The following ZYG11B variants were observed in gnomAD, a reference collection of about 807,000 sequenced individuals.
ZYG11B encodes the protein protein zyg-11 homolog B.
Under a neutral mutation model 82.4 loss-of-function variants are expected in ZYG11B, and 36 were observed. The observed-to-expected ratio is 0.44, with a 90% CI of 0.33 to 0.58. The LOEUF (loss-of-function observed/expected upper bound fraction) is 0.58. ZYG11B is among the 20% of genes least tolerant of loss of function. The pLI, the probability that ZYG11B is intolerant of heterozygous loss-of-function variation, is 0.02. For synonymous variants in ZYG11B, 303 were observed against 312.8 expected, an observed-to-expected ratio of 0.97 and a Z score of 0.33; for missense variants, 552 against 895.6, an observed-to-expected ratio of 0.62 and a Z score of 4.90.
chr1:52,817,777 G>GTGTATATATATATATATATATA (rs1352242565), intron 13 of ZYG11B, among the ~76,000 whole-genome samples: 1 of 41,540 alleles, frequency 2.4e-5, no homozygotes, highest in Non-Finnish European at 3.9e-5. Context: ...ATATATATGT[G>GTGTATATATATATATATATATA]TATATATATA....
chr1:52,821,912 T>C lies in ZYG11B; in HGVS notation c.*283T>C, dbSNP rs1174466866. 3 of 279,040 alleles carry C rather than the reference T, an allele frequency of 1.1e-5. No individual in the cohort carries two copies. Among genetic ancestry groups the C allele is most frequent in the African/African-American group, 2.2e-5 (1 of 46,042 alleles). 17.3% of individuals were successfully genotyped at this position (279,040 alleles called of 1,614,324 possible). On this transcript the variant is annotated 3_prime_UTR_variant, in exon 14 of 14. Coordinates refer to ENST00000294353, the MANE Select transcript of ZYG11B (RefSeq NM_024646.3). ...ACTTGTGCTTGAGATTCTACAGTTTTATGGTAAAGTTTGCACGAACCCTTA... is the reference window on the plus strand; with the variant it reads ...ACTTGTGCTTGAGATTCTACAGTTTCATGGTAAAGTTTGCACGAACCCTTA...
At chr1:52,751,213 C>T (rs533139733) in intron 1 of ZYG11B, among the ~76,000 whole-genome samples, 2 of 152,018 alleles carry the variant, frequency 1.3e-5, no homozygotes, top group South Asian at 4.2e-4. Flanking sequence ...CTTCTGGGCC[C>T]AAGTGATCCT....
chr1:52,758,863 C>G (rs1037397482), intron 2 of ZYG11B, among the ~76,000 whole-genome samples: 1 of 152,138 alleles, frequency 6.6e-6, no homozygotes, highest in Admixed American at 6.6e-5. Context: ...AGCTGCACAA[C>G]GATTTAAGAG....
Position 52,771,653 on chromosome 1 carries a change from A to G in ZYG11B, c.830A>G (p.Lys277Arg). The G allele has an allele frequency of 6.2e-7, 1 of 1,614,258 alleles. No homozygotes were observed. The highest frequency in any genetic ancestry group is 8.5e-7 in the Non-Finnish European group (1 of 1,180,042). Residue 277 changes from lysine (K) to arginine (R), a missense_variant, in exon 3 of 14, where the codon AAG becomes AGG. By Grantham distance (26) the Lys-to-Arg change is conservative (BLOSUM62 2). Coordinates refer to ENST00000294353, the MANE Select transcript of ZYG11B (RefSeq NM_024646.3). This position sits in a 1 kb window ranked among gnomAD's most constrained non-coding sequence, Gnocchi z 5.4. The part of the protein sequence containing the change: ...NLVSLDVSGR[K>R]HVTDKAVEAF... ...GTTTCTCTGGATGTTTCTGGGAGAA[A>G]GCACGTGACAGATAAAGCCGTTGAA...
In ZYG11B at chr1:52,771,751, C is replaced by T; in HGVS notation, c.928C>T (p.Leu310Phe). The T allele has an allele frequency of 6.2e-7, 1 of 1,611,236 alleles. No individual in the cohort carries two copies. The highest frequency in any genetic ancestry group is 8.5e-7 in the Non-Finnish European group (1 of 1,178,116). ...TACTGATGCTGGTTACTCTGAATTC[C>T]TCACAGGCGAAGGACATTTGAAGGT... ...LATDAGYSEF[L>F]TGEGHLKVSG... Residue 310 changes from leucine to phenylalanine, a missense_variant, in exon 3 of 14, where the codon CTC becomes TTC. Physicochemically the swap from Leu to Phe is conservative, Grantham distance 22. Around this residue, in one of 3 missense-constraint regions of ZYG11B, gnomAD observed 359 missense variants for 555.8 expected, o/e 0.65. Coordinates refer to ENST00000294353, the MANE Select transcript of ZYG11B (RefSeq NM_024646.3). This position sits in a 1 kb window ranked among gnomAD's most constrained non-coding sequence, Gnocchi z 5.4.
chr1:52,760,487 C>T (rs1644620030), intron 2 of ZYG11B, among the ~76,000 whole-genome samples: 1 of 152,058 alleles, frequency 6.6e-6, no homozygotes, highest in African/African-American at 2.4e-5. Context: ...CTGGTAATAT[C>T]ATACTGTTTC....
At chr1:52,728,804 G>C (rs1644305281) in intron 1 of ZYG11B, among the ~76,000 whole-genome samples, 1 of 152,112 alleles carries the variant, frequency 6.6e-6, no homozygotes, top group African/African-American at 2.4e-5. Flanking sequence ...TTTTGGGAAG[G>C]GGAAGAATGC....
chr1:52,789,601 A>G (rs897957174), intron 5 of ZYG11B, among the ~76,000 whole-genome samples: 1 of 152,074 alleles, frequency 6.6e-6, no homozygotes, highest in Non-Finnish European at 1.5e-5. Context: ...GTAGAACACT[A>G]CCCACCGTGT....
rs1033159578 is a variant in ZYG11B at position 52,766,408 on chromosome 1, AT to A, written c.197-4604del. Among the ~76,000 whole-genome samples the A allele has an allele frequency of 2.1e-5, 3 of 142,508 alleles. No homozygotes were observed. The Admixed American group carries it at 2.1e-4, about 10-fold the overall frequency. 93.5% of individuals were successfully genotyped at this position (142,508 alleles called of 152,430 possible). On this transcript the variant is annotated intron_variant, in intron 2 of 13. Coordinates refer to ENST00000294353, the MANE Select transcript of ZYG11B (RefSeq NM_024646.3). ...TGCCACCGCGCCTGGTCTGTTACTC[AT>A]TTTTTTTCAAGCATATTTGTTTACT...
intron 1 of ZYG11B, among the ~76,000 whole-genome samples, chr1:52,731,472 G>T (rs983486203): frequency 6.6e-6 from 1 of 152,016 alleles, no homozygotes; most frequent in African/African-American, 2.4e-5. Context: ...AGAATACATA[G>T]CAACAGGAAT....
chr1:52,774,074 A>G (rs1232725424), intron 3 of ZYG11B, among the ~76,000 whole-genome samples: 2 of 151,918 alleles, frequency 1.3e-5, no homozygotes, highest in African/African-American at 2.4e-5. Context: ...AGGCATCAGT[A>G]TTTTTTAAAG....
chr1:52,774,789 T>A (rs1451478862), intron 3 of ZYG11B, among the ~76,000 whole-genome samples: 1 of 151,990 alleles, frequency 6.6e-6, no homozygotes, highest in Non-Finnish European at 1.5e-5. Context: ...GATTTTCTCT[T>A]CTCACTATTT....
chr1:52,820,713 TTAA>T (rs143591173), intron 13 of ZYG11B, among the ~76,000 whole-genome samples: 45,732 of 119,938 alleles, frequency 0.38, 8,955 homozygotes, highest in East Asian at 0.6. Flanking sequence ...GAGACTGTCT[TTAA>T]AAAAAAAAAA....
intron 1 of ZYG11B, among the ~76,000 whole-genome samples, chr1:52,753,917 G>A (rs1217586185): frequency 1.3e-5 from 2 of 152,156 alleles, no homozygotes; most frequent in Non-Finnish European, 2.9e-5. Context: ...TTTTACTAGA[G>A]ACAGGGTTTT....
chr1:52,735,304 C>T (rs1450828526), intron 1 of ZYG11B, among the ~76,000 whole-genome samples: 1 of 152,164 alleles, frequency 6.6e-6, no homozygotes, highest in African/African-American at 2.4e-5. Flanking sequence ...GCTGGGATTA[C>T]AGGCATGAGC....
intron 1 of ZYG11B, among the ~76,000 whole-genome samples, chr1:52,750,238 C>A (rs890753801): frequency 2.0e-5 from 3 of 151,344 alleles, no homozygotes; most frequent in African/African-American, 7.3e-5. Flanking sequence ...GCTGGGCTTG[C>A]AAGTGTGAGC....
chr1:52,787,051 T>C (rs1487540007), intron 5 of ZYG11B, among the ~76,000 whole-genome samples: 4 of 151,624 alleles, frequency 2.6e-5, no homozygotes, highest in Non-Finnish European at 5.9e-5. Context: ...GATCGCACCA[T>C]TGAACTCCAG....
intron 2 of ZYG11B, among the ~76,000 whole-genome samples, chr1:52,767,567 T>G (rs1487821463): frequency 6.6e-6 from 1 of 152,182 alleles, no homozygotes; most frequent in Non-Finnish European, 1.5e-5. Flanking sequence ...CCTCCCAAAG[T>G]GCTGGGATTA....
At chr1:52,781,294 T>C (rs1291760931) in intron 4 of ZYG11B, among the ~76,000 whole-genome samples, 1 of 151,144 alleles carries the variant, frequency 6.6e-6, no homozygotes, top group Non-Finnish European at 1.5e-5. Context: ...AGCTCAGGAG[T>C]TCAAGACCAG....
Sources: allele counts gnomAD v4.1 joint callset (sites outside exome capture counted in the v4.1 genomes callset), GRCh38; gene constraint gnomAD v4.1.1; regional missense constraint gnomAD v4.1.1; non-coding constraint Gnocchi (gnomAD v3.1); transcripts MANE v1.5; gene names NCBI Gene and HGNC (gene_info 2026-07-23, HGNC 2026-07-21).